OBP2B: variants seen among roughly 807,000 people sequenced by gnomAD.
OBP2B encodes the protein odorant binding protein 2B.
A neutral mutation model predicts 21.7 loss-of-function variants in OBP2B; 10 were observed. The observed-to-expected ratio is 0.46, with a 90% CI of 0.28 to 0.78. The LOEUF (loss-of-function observed/expected upper bound fraction) is 0.78, where lower values mean the gene tolerates loss of function less well. Among genes scored for constraint, OBP2B ranks in the 30% least tolerant of loss-of-function variants. The pLI, the probability that OBP2B is intolerant of heterozygous loss-of-function variation, is 0.11. For synonymous variants in OBP2B, 73 were observed against 91.5 expected (o/e 0.80, Z 1.16); for missense variants, 153 against 217.7 (o/e 0.70, Z 1.87).
chr9:133,218,143 A>G, the OBP2B span, among the ~76,000 whole-genome samples: 1 of 152,248 alleles, frequency 6.6e-6, no homozygotes, highest in African/African-American at 2.4e-5. Flanking sequence ...AATTTAAGAC[A>G]TGAAGGAAGC....
the OBP2B span, among the ~76,000 whole-genome samples, chr9:133,215,775 C>G: frequency 5.4e-4 from 82 of 152,206 alleles, no homozygotes; most frequent in African/African-American, 1.6e-3. Context: ...TCAAACAGAC[C>G]TGCACGCATA....
chr9:133,223,035 C>T, the OBP2B span, among the ~76,000 whole-genome samples: 1 of 152,202 alleles, frequency 6.6e-6, no homozygotes, highest in African/African-American at 2.4e-5. The surrounding 1 kb of genome is among the most constrained non-coding windows in gnomAD (Gnocchi z 4.4). Flanking sequence ...GTCCTCACCG[C>T]TTTAACTAGC....
the OBP2B span, among the ~76,000 whole-genome samples, chr9:133,222,152 G>A: frequency 6.6e-6 from 1 of 152,204 alleles, no homozygotes; most frequent in Middle Eastern, 3.2e-3. Flanking sequence ...TATGTACTGA[G>A]CACGGCAGAG....
At chr9:133,209,869 C>A (rs781799900), upstream of OBP2B, among the ~76,000 whole-genome samples, 1 of 152,174 alleles carries the variant, frequency 6.6e-6, no homozygotes, top group Non-Finnish European at 1.5e-5. This position sits in a 1 kb window ranked among gnomAD's most constrained non-coding sequence, Gnocchi z 6.0. Flanking sequence ...GGGACCCCGC[C>A]GCCTCCCCGA....
the OBP2B span, among the ~76,000 whole-genome samples, chr9:133,216,498 C>A: frequency 6.6e-6 from 1 of 151,590 alleles, no homozygotes; most frequent in South Asian, 2.1e-4. Context: ...AAAAAAAAAC[C>A]CTGCAACAAG....
chr9:133,222,280 G>C, the OBP2B span, among the ~76,000 whole-genome samples: 1 of 152,228 alleles, frequency 6.6e-6, no homozygotes, highest in African/African-American at 2.4e-5. Context: ...CGCCCTAAAT[G>C]CTTGCCTGAG....
chr9:133,216,918 A>C, the OBP2B span, among the ~76,000 whole-genome samples: 15 of 152,110 alleles, frequency 9.9e-5, no homozygotes, highest in Non-Finnish European at 1.9e-4. Context: ...CTGCATGGGA[A>C]TCTACAATGT....
chr9:133,221,014 C>A, the OBP2B span, among the ~76,000 whole-genome samples: 2 of 152,192 alleles, frequency 1.3e-5, no homozygotes, highest in Non-Finnish European at 2.9e-5. Flanking sequence ...CCAGAAGGAA[C>A]CAGCCCTGCC....
the OBP2B span, among the ~76,000 whole-genome samples, chr9:133,215,064 T>A: frequency 6.6e-6 from 1 of 152,304 alleles, no homozygotes; most frequent in South Asian, 2.1e-4. Context: ...CCTAGAACTA[T>A]TAAGCGAGTT....
At chr9:133,209,877 C>T (rs782447965), upstream of OBP2B, among the ~76,000 whole-genome samples, 4 of 152,180 alleles carry the variant, frequency 2.6e-5, no homozygotes, top group Non-Finnish European at 5.9e-5. The surrounding 1 kb of genome is among the most constrained non-coding windows in gnomAD (Gnocchi z 6.0). Context: ...GCCGCCTCCC[C>T]GACCCCGCTT....
chr9:133,205,960 C>A lies in OBP2B; in HGVS notation c.491-20G>T. 6.2e-7 allele frequency: 1 copy of A among 1,613,940 alleles called. No individual in the cohort carries two copies. The highest frequency in any genetic ancestry group is 1.1e-5 in the South Asian group (1 of 91,070). On this transcript the variant is annotated intron_variant, in intron 5 of 6. Coordinates refer to ENST00000372034, the MANE Select transcript of OBP2B (RefSeq NM_014581.4). The stretch of plus-strand genomic sequence containing the variant: ...AGCTTCCTGCAGAGACCAAGAAAAA[C>A]CCAGGGATTAGAAGGCGCCCTAGAC...
chr9:133,212,403 C>G (rs1159957693), upstream of OBP2B, among the ~76,000 whole-genome samples: 2 of 152,136 alleles, frequency 1.3e-5, no homozygotes, highest in Non-Finnish European at 2.9e-5. Context: ...AGAATATATA[C>G]CAAGATAGAC....
At chr9:133,207,672 C>T (rs1276186355) in intron 3 of OBP2B, among the ~76,000 whole-genome samples, 22 of 140,032 alleles carry the variant, frequency 1.6e-4, no homozygotes, top group South Asian at 4.5e-4. Context: ...AGCACTAACC[C>T]TCGGCCTCCC....
intron 6 of OBP2B, 185 bp from the exon 7 acceptor site, chr9:133,205,596 G>A: frequency 1.6e-6 from 1 of 607,852 alleles, no homozygotes; most frequent in Non-Finnish European, 2.9e-6. Context: ...TGGGTGGATG[G>A]TGGGGAGTGG....
the OBP2B span, among the ~76,000 whole-genome samples, chr9:133,219,980 C>T: frequency 2.7e-3 from 416 of 152,248 alleles, 1 homozygote; most frequent in African/African-American, 9.5e-3. Context: ...CATGAGCAAA[C>T]GTTGAAACAT....
intron 4 of OBP2B, 75 bp downstream of exon 4, chr9:133,207,151 G>T: frequency 9.8e-7 from 1 of 1,024,632 alleles, no homozygotes; most frequent in Non-Finnish European, 1.5e-6. Context: ...GCCAGGGCAT[G>T]GTGGTGCTGG....
chr9:133,208,226 G>C, intron 2 of OBP2B, 23 bp from the exon 3 acceptor site: 1 of 1,611,562 alleles, frequency 6.2e-7, no homozygotes, highest in Non-Finnish European at 8.5e-7. Context: ...AGACACGCGG[G>C]CAGCGGCTCC....
chr9:133,207,860 C>G (rs1261877513), intron 3 of OBP2B: 4 of 1,515,654 alleles, frequency 2.6e-6, no homozygotes, highest in East Asian at 2.5e-5. Flanking sequence ...GCCTCCTTGT[C>G]CCAATCCTCA....
chr9:133,207,245 G>T lies in OBP2B; in HGVS notation c.369C>A (p.Leu123=). The T allele has an allele frequency of 6.2e-7, 1 of 1,613,572 alleles. No individual in the cohort carries two copies. Among genetic ancestry groups the T allele is most frequent in the South Asian group, 1.1e-5 (1 of 91,058 alleles). The part of the protein sequence containing the change: ...YCKDQHHGGL[L]HMGKLVGRNS... ...CCTCACCCACAAGCTTTCCCATGTG[G>T]AGCAGGCCCCCATGGTGCTGGTCTT... The change falls in exon 4 of 7, where the codon CTC becomes CTA. Residue 123 remains leucine (L), a synonymous_variant. Transcript: ENST00000372034.
Sources: allele counts gnomAD v4.1 joint callset (sites outside exome capture counted in the v4.1 genomes callset), GRCh38; gene constraint gnomAD v4.1.1; non-coding constraint Gnocchi (gnomAD v3.1); transcripts MANE v1.5; gene names NCBI Gene and HGNC (gene_info 2026-07-23, HGNC 2026-07-21).